The following LTBP1 variants were observed in gnomAD, a reference collection of about 807,000 sequenced individuals.
The protein encoded by LTBP1 is latent-transforming growth factor beta-binding protein 1.
In LTBP1, 129 loss-of-function variants were observed where a neutral mutation model predicts 207.6. The observed-to-expected ratio is 0.62, with a 90% CI of 0.54 to 0.72. The LOEUF (loss-of-function observed/expected upper bound fraction) is 0.72, where lower values mean the gene tolerates loss of function less well. Ranked by LOEUF, LTBP1 falls within the 30% of genes least tolerant of loss-of-function variation. The pLI, the probability that LTBP1 is intolerant of heterozygous loss-of-function variation, is 0.00. For synonymous variants in LTBP1, 963 were observed against 833.7 expected, an observed-to-expected ratio of 1.16 and a Z score of -2.67; for missense variants, 2,281 against 2,217.2, an observed-to-expected ratio of 1.03 and a Z score of -0.58.
At position 33,387,156 on chromosome 2, in the gene LTBP1, TCTC is replaced by T. The variant is rs766288737; in HGVS notation, c.4712-2024_4712-2022del. Among the ~76,000 whole-genome samples, 6 of 152,266 alleles carry T rather than the reference TCTC, an allele frequency of 3.9e-5. No homozygotes were observed. The South Asian group carries it at 8.3e-4, about 21-fold the overall frequency. ...TACCAGAATTAATTCATTTTTAACA[TCTC>T]CTCTAGATCACAACTGTGGCTTCAA... On this transcript the variant is annotated intron_variant, in intron 31 of 33. Coordinates refer to ENST00000404816, the MANE Select transcript of LTBP1 (RefSeq NM_206943.4).
intron 5 of LTBP1, among the ~76,000 whole-genome samples, chr2:33,148,798 C>T (rs1478715192): frequency 1.3e-5 from 2 of 152,182 alleles, no homozygotes; most frequent in African/African-American, 4.8e-5. Flanking sequence ...CAGTTTTGCA[C>T]CCCCACCTAA....
rs370117511 is a variant in LTBP1 at position 33,252,711 on chromosome 2, C to G, written c.2034C>G (p.Pro678=). The change falls in exon 11 of 34, where the codon CCC becomes CCG. Residue 678 remains proline (P), a synonymous_variant. Transcript: ENST00000404816. ...DPPVISEEKG[P]CYRLVSSGRQ... is the part of the protein sequence containing the mutation. ...CTGTGATCTCGGAAGAGAAAGGGCCCTGTTACCGACTTGTCAGTTCTGGAA... is the reference window on the plus strand; with the variant it reads ...CTGTGATCTCGGAAGAGAAAGGGCCGTGTTACCGACTTGTCAGTTCTGGAA... The G allele has an allele frequency of 3.5e-5, 57 of 1,613,306 alleles. No individual in the cohort carries two copies. In the African/African-American group the frequency reaches 6.4e-4, roughly 18 times the overall value.
chr2:33,082,931 T>G (rs1173810976), intron 3 of LTBP1, among the ~76,000 whole-genome samples: 2 of 152,082 alleles, frequency 1.3e-5, no homozygotes, highest in African/African-American at 2.4e-5. Flanking sequence ...TGCAAGGTAC[T>G]CCTGAGACAG....
chr2:33,191,224 T>G (rs548108745), intron 7 of LTBP1, among the ~76,000 whole-genome samples: 1 of 152,296 alleles, frequency 6.6e-6, no homozygotes, highest in Non-Finnish European at 1.5e-5. Flanking sequence ...TATTAGGTGA[T>G]TGTTAACAAG....
chr2:33,266,251 C>A (rs183582197), intron 15 of LTBP1, among the ~76,000 whole-genome samples: 2 of 152,212 alleles, frequency 1.3e-5, no homozygotes, highest in Non-Finnish European at 2.9e-5. Context: ...AGTCCCCTGT[C>A]GCCTTGGCCC....
At chr2:33,061,244 A>G (rs1221019636) in intron 3 of LTBP1, among the ~76,000 whole-genome samples, 1 of 152,176 alleles carries the variant, frequency 6.6e-6, no homozygotes, top group Non-Finnish European at 1.5e-5. Flanking sequence ...TTTCAGACTA[A>G]GATGCACACA....
intron 2 of LTBP1, among the ~76,000 whole-genome samples, chr2:33,014,306 A>G (rs1688050791): frequency 6.6e-6 from 1 of 152,124 alleles, no homozygotes; most frequent in Non-Finnish European, 1.5e-5. Flanking sequence ...TAACCCAGAG[A>G]CATTTACAAC....
At chr2:33,357,220 G>C (rs185903604) in intron 26 of LTBP1, among the ~76,000 whole-genome samples, 5 of 152,284 alleles carry the variant, frequency 3.3e-5, no homozygotes, top group Non-Finnish European at 1.5e-5. Context: ...TGAACCAAGA[G>C]AGAAGGAGCT....
chr2:33,382,949 G>T lies in LTBP1; in HGVS notation c.4712-6235G>T, dbSNP rs1451481660. 2.0e-5 allele frequency among the ~76,000 whole-genome samples: 3 copies of T among 152,190 alleles called. No homozygotes were observed. In the South Asian group the frequency reaches 6.2e-4, roughly 32 times the overall value. ...AGACATCCAGTCTCACAGTATTGTG[G>T]CAATACCCAAGGAGGTCTCTCTTCC... On this transcript the variant is annotated intron_variant, in intron 31 of 33. Transcript: ENST00000404816.
At chr2:33,343,310 C>T (rs1214099461) in intron 25 of LTBP1, among the ~76,000 whole-genome samples, 1 of 150,690 alleles carries the variant, frequency 6.6e-6, no homozygotes, top group East Asian at 1.9e-4. Context: ...ACTTGGGAGG[C>T]CGAGGTGGGA....
At chr2:33,247,964 G>A (rs1207943306) in intron 10 of LTBP1, among the ~76,000 whole-genome samples, 1 of 152,194 alleles carries the variant, frequency 6.6e-6, no homozygotes, top group African/African-American at 2.4e-5. Flanking sequence ...CCCCGGCTGG[G>A]AGCCTGTGTC....
rs550114883 is a variant in LTBP1, at chr2:33,022,997, G to T, written c.863+1791G>T. ...GGCTGGATTTGGCCCATGAACTGTA[G>T]TTTGCTAACTTTTTCTCTAAAGGAT... On this transcript the variant is annotated intron_variant, in intron 3 of 33. Coordinates refer to ENST00000404816, the MANE Select transcript of LTBP1 (RefSeq NM_206943.4). Among the ~76,000 whole-genome samples, 97 of 152,220 alleles carry T rather than the reference G, an allele frequency of 6.4e-4. 3 individuals carry two copies. In the South Asian group the frequency reaches 0.02, roughly 31 times the overall value.
chr2:33,359,797 C>T (rs560028234), intron 26 of LTBP1, among the ~76,000 whole-genome samples: 31 of 152,298 alleles, frequency 2.0e-4, no homozygotes, highest in African/African-American at 7.2e-4. Flanking sequence ...AAAGCACAGA[C>T]TTGTTCAAAG....
chr2:33,210,584 A>T (rs1446620445), intron 7 of LTBP1, among the ~76,000 whole-genome samples: 1 of 152,204 alleles, frequency 6.6e-6, no homozygotes, highest in Non-Finnish European at 1.5e-5. Flanking sequence ...AGGAACTATG[A>T]TGCTTCTTTT....
In LTBP1 at chr2:33,136,029, G is replaced by A. The variant is rs77726719; in HGVS notation, c.1201+1069G>A. 7.5e-3 allele frequency among the ~76,000 whole-genome samples: 1,142 copies of A among 152,212 alleles called. 14 individuals carry two copies. Among genetic ancestry groups the A allele is most frequent in the South Asian group, 0.041 (198 of 4,824 alleles). On this transcript the variant is annotated intron_variant, in intron 5 of 33. Transcript: ENST00000404816. ...TGATTTACATCAAGACAAAATAAAG[G>A]GACAGCTTGAAGTTCTTATTAGATC...
intron 19 of LTBP1, among the ~76,000 whole-genome samples, chr2:33,289,558 G>A (rs2093733562): frequency 6.6e-6 from 1 of 151,976 alleles, no homozygotes; most frequent in African/African-American, 2.4e-5. Flanking sequence ...TGGAGACAGG[G>A]GCTTGCTGTG....
chr2:33,151,031 C>A (rs2150988514), intron 5 of LTBP1, among the ~76,000 whole-genome samples: 1 of 152,276 alleles, frequency 6.6e-6, no homozygotes, highest in African/African-American at 2.4e-5. Context: ...TGAACCACCA[C>A]ACCTGGTCTC....
chr2:33,372,950 A>C (rs895231342), intron 31 of LTBP1, among the ~76,000 whole-genome samples: 1 of 152,242 alleles, frequency 6.6e-6, no homozygotes, highest in African/African-American at 2.4e-5. Flanking sequence ...GGAAATCAAA[A>C]TCCGTTGATC....
intron 3 of LTBP1, among the ~76,000 whole-genome samples, chr2:33,084,255 A>G (rs897366635): frequency 2.0e-5 from 3 of 152,088 alleles, no homozygotes; most frequent in Admixed American, 6.5e-5. Flanking sequence ...CCAGATAGGC[A>G]TTTTTGCTTT....
Sources: gnomAD v4.1 joint callset for allele counts (sites outside exome capture counted in the v4.1 genomes callset) on GRCh38, gnomAD v4.1.1 for gene constraint, MANE v1.5 for transcripts, NCBI Gene and HGNC (gene_info 2026-07-23, HGNC 2026-07-21) for gene names.